The following EFHC2 variants were observed in gnomAD, a reference collection of about 807,000 sequenced individuals.
The protein encoded by EFHC2 is EF-hand domain-containing family member C2.
A neutral mutation model predicts 52.7 loss-of-function variants in EFHC2; 18 were observed. That is an observed-to-expected ratio of 0.34 (90% confidence interval 0.24 to 0.51). The LOEUF (loss-of-function observed/expected upper bound fraction) is 0.51, where lower values mean the gene tolerates loss of function less well. Among genes scored for constraint, EFHC2 ranks in the 20% least tolerant of loss-of-function variants. EFHC2 has a pLI of 0.97. For missense variants in EFHC2, 513 were observed against 562.5 expected, an observed-to-expected ratio of 0.91 and a Z score of 0.89; for synonymous variants, 203 against 204.1, an observed-to-expected ratio of 0.99 and a Z score of 0.04.
chrX:44,200,204 G>T (rs1477464915), intron 11 of EFHC2, among the ~76,000 whole-genome samples: 1 of 111,427 alleles, frequency 9.0e-6, no homozygotes, highest in African/African-American at 3.3e-5. Flanking sequence ...CAAAATAAAA[G>T]ATTTTTTAAA....
chrX:44,342,641 C>G (rs2038157620), intron 1 of EFHC2, among the ~76,000 whole-genome samples: 1 of 110,709 alleles, frequency 9.0e-6, no homozygotes, highest in Admixed American at 9.6e-5. Context: ...CTTTGGGAGA[C>G]CGAGGCGGGC....
rs200238279 is a variant in EFHC2 at position 44,179,172 on chromosome X, T to TA, written c.1752-609dup. 0.01 allele frequency among the ~76,000 whole-genome samples: 1,047 copies of TA among 100,759 alleles called. 19 individuals carry two copies. The East Asian group carries it at 0.1, about 10-fold the overall frequency. The allele number at this position is 100,759 out of a possible 115,157, so 87.5% of individuals were successfully genotyped here. ...TGGTACTGAGATTATTAGGCAGAGC[T>TA]AAAAAAAAAAAACTAAACAACAACA... On this transcript the variant is annotated intron_variant, in intron 11 of 14. Coordinates refer to ENST00000420999, the MANE Select transcript of EFHC2 (RefSeq NM_025184.4).
intron 13 of EFHC2, among the ~76,000 whole-genome samples, chrX:44,175,166 A>G (rs1388858344): frequency 1.8e-5 from 2 of 112,300 alleles, no homozygotes; most frequent in African/African-American, 6.5e-5. Context: ...CTTAGAGAGC[A>G]AAGAGACACC....
intron 2 of EFHC2, among the ~76,000 whole-genome samples, chrX:44,296,787 T>C (rs904992883): frequency 8.9e-6 from 1 of 112,492 alleles, no homozygotes; most frequent in Non-Finnish European, 1.9e-5. Flanking sequence ...AAACAATATA[T>C]GATTTTATGA....
rs1389809021 is a variant in EFHC2 at position 44,272,778 on chromosome X, T to C, written c.290A>G (p.Tyr97Cys). ...GTAGATTTTATAGTATCTTATTCTG[T>C]AGTTGGTTTGGCTTTTATCAAGTAC... ...EEVLDKSQTNYRIRYYKIYFY... is the reference protein window; with the variant it reads ...EEVLDKSQTNCRIRYYKIYFY... Residue 97 changes from tyrosine (Y) to cysteine (C), a missense_variant, in exon 3 of 15, where the codon TAC (tyrosine) becomes TGC (cysteine). Transcript: ENST00000420999. 5 of 1,165,917 alleles carry C rather than the reference T, an allele frequency of 4.3e-6. No individual in the cohort carries two copies. Among genetic ancestry groups the C allele is most frequent in the Non-Finnish European group, 4.6e-6 (4 of 871,333 alleles).
chrX:44,177,174 C>T (rs1280952828), intron 12 of EFHC2, among the ~76,000 whole-genome samples: 2 of 112,006 alleles, frequency 1.8e-5, no homozygotes. Flanking sequence ...AAGGGGGCAA[C>T]ACCAGGGTGG....
At chrX:44,198,408 C>G (rs973632085) in intron 11 of EFHC2, among the ~76,000 whole-genome samples, 1 of 111,637 alleles carries the variant, frequency 9.0e-6, no homozygotes, top group Non-Finnish European at 1.9e-5. Flanking sequence ...TAGGCCTATA[C>G]GATCACAGCC....
At chrX:44,184,017 C>T (rs1216982079) in intron 11 of EFHC2, among the ~76,000 whole-genome samples, 1 of 112,149 alleles carries the variant, frequency 8.9e-6, no homozygotes, top group East Asian at 2.8e-4. Context: ...TGGGACAAGA[C>T]CACTTGTGAA....
intron 2 of EFHC2, among the ~76,000 whole-genome samples, chrX:44,304,444 G>C (rs1045643385): frequency 4.5e-5 from 5 of 111,738 alleles, no homozygotes; most frequent in African/African-American, 1.6e-4. Context: ...CCCAGTCTCA[G>C]ACTCTGGTTC....
At chrX:44,204,218 G>C (rs2037028830) in intron 11 of EFHC2, among the ~76,000 whole-genome samples, 1 of 71,863 alleles carries the variant, frequency 1.4e-5, no homozygotes, top group Admixed American at 1.7e-4. Context: ...AAAGCCCTCT[G>C]AAATGGTAGC....
At chrX:44,203,878 C>T (rs2147297420) in intron 11 of EFHC2, among the ~76,000 whole-genome samples, 1 of 111,120 alleles carries the variant, frequency 9.0e-6, no homozygotes, top group East Asian at 2.8e-4. Context: ...GTGTGAGCCA[C>T]CAAGCCTGGT....
intron 1 of EFHC2, among the ~76,000 whole-genome samples, chrX:44,329,607 A>ATT (rs200198873): frequency 1.5e-3 from 150 of 102,624 alleles, no homozygotes; most frequent in African/African-American, 3.3e-3. Context: ...GGATCACAGA[A>ATT]TTTTTTTTTT....
chrX:44,229,962 T>C (rs1228041090), intron 10 of EFHC2, among the ~76,000 whole-genome samples, 183 bp from the exon 11 acceptor site: 2 of 109,486 alleles, frequency 1.8e-5, no homozygotes, highest in Non-Finnish European at 3.8e-5. Context: ...TTAAAGCTTC[T>C]GGACAACAGC....
intron 11 of EFHC2, among the ~76,000 whole-genome samples, chrX:44,179,110 T>C (rs148263131): frequency 3.3e-4 from 36 of 109,923 alleles, no homozygotes; most frequent in African/African-American, 1.1e-3. Flanking sequence ...AAAAGACCTA[T>C]GTAAGCGTAC....
chrX:44,171,719 C>G (rs965616487), intron 13 of EFHC2, among the ~76,000 whole-genome samples: 3 of 111,822 alleles, frequency 2.7e-5, no homozygotes, highest in Non-Finnish European at 5.6e-5. Context: ...AGTCGATACT[C>G]TGTTTGTCCA....
At chrX:44,312,485 A>G in intron 2 of EFHC2, 83 bp downstream of exon 2, 2 of 755,733 alleles carry the variant, frequency 2.6e-6, no homozygotes, top group South Asian at 8.2e-5. Context: ...ATTTACACTG[A>G]AGACTCCTAC....
intron 1 of EFHC2, among the ~76,000 whole-genome samples, chrX:44,324,200 A>G (rs1309964526): frequency 1.8e-5 from 2 of 110,483 alleles, no homozygotes; most frequent in East Asian, 2.8e-4. Flanking sequence ...CCACCCAGAC[A>G]GGTAAACTGG....
At chrX:44,279,069 C>T (rs1160982558) in intron 2 of EFHC2, among the ~76,000 whole-genome samples, 1 of 112,312 alleles carries the variant, frequency 8.9e-6, no homozygotes, top group African/African-American at 3.2e-5. Flanking sequence ...AGGCCGGGCG[C>T]AGTAGCTCAC....
chrX:44,153,725 C>G (rs2036586814), intron 14 of EFHC2, among the ~76,000 whole-genome samples: 1 of 111,640 alleles, frequency 9.0e-6, no homozygotes. Context: ...ATGGCCAGCC[C>G]CTTGGTAAAA....
Sources: gnomAD v4.1 joint callset for allele counts (sites outside exome capture counted in the v4.1 genomes callset) on GRCh38, gnomAD v4.1.1 for gene constraint, MANE v1.5 for transcripts, NCBI Gene and HGNC (gene_info 2026-07-23, HGNC 2026-07-21) for gene names.